The following SUGCT variants were observed in gnomAD, a reference collection of about 807,000 sequenced individuals.
The protein encoded by SUGCT is succinyl-CoA:glutarate CoA-transferase.
A neutral mutation model predicts 55.0 loss-of-function variants in SUGCT; 41 were observed. The ratio of observed to expected loss-of-function variants is 0.74; its 90% CI spans 0.58 to 0.97. SUGCT has a LOEUF of 0.97. Ranked by LOEUF, SUGCT falls within the 50% of genes least tolerant of loss-of-function variation. SUGCT has a pLI of 0.00. For synonymous variants in SUGCT, 187 were observed against 200.4 expected (o/e 0.93, Z 0.56); for missense variants, 568 against 547.8 (o/e 1.04, Z -0.37).
chr7:40,735,138 G>A (rs1377128222), intron 12 of SUGCT, among the ~76,000 whole-genome samples: 5 of 152,132 alleles, frequency 3.3e-5, no homozygotes, highest in Admixed American at 6.5e-5. Flanking sequence ...CTGTGCTGGA[G>A]GGGAAAGAAT....
At chr7:41,012,194 T>TAATTA in the SUGCT span, among the ~76,000 whole-genome samples, 3 of 152,126 alleles carry the variant, frequency 2.0e-5, no homozygotes, top group African/African-American at 7.2e-5. Context: ...TCCGGTGAAC[T>TAATTA]CTCCCTCCCC....
At chr7:40,661,572 C>T (rs1347665812) in intron 12 of SUGCT, among the ~76,000 whole-genome samples, 1 of 152,106 alleles carries the variant, frequency 6.6e-6, no homozygotes, top group African/African-American at 2.4e-5. Context: ...CACAAATTCA[C>T]CCTAAATTTT....
At chr7:40,865,485 C>T (rs1794562752), downstream of SUGCT, among the ~76,000 whole-genome samples, 1 of 152,176 alleles carries the variant, frequency 6.6e-6, no homozygotes, top group Non-Finnish European at 1.5e-5. Flanking sequence ...CTCAGGCTCT[C>T]TGGCTGTATG....
intron 12 of SUGCT, among the ~76,000 whole-genome samples, chr7:40,624,809 ACACG>A (rs374087156): frequency 0.024 from 2,529 of 107,606 alleles, 42 homozygotes; most frequent in African/African-American, 0.048. Context: ...ACACACACAC[ACACG>A]CACACCACAA....
At chr7:40,352,357 G>A (rs1231269461) in intron 9 of SUGCT, among the ~76,000 whole-genome samples, 3 of 151,996 alleles carry the variant, frequency 2.0e-5, no homozygotes, top group African/African-American at 4.8e-5. Flanking sequence ...TGGTACATGT[G>A]CAGGTTTGTT....
chr7:40,887,715 A>G, the SUGCT span, among the ~76,000 whole-genome samples: 1 of 152,154 alleles, frequency 6.6e-6, no homozygotes, highest in African/African-American at 2.4e-5. Context: ...TGGACTAGAG[A>G]GACAAAGGTG....
intron 12 of SUGCT, among the ~76,000 whole-genome samples, chr7:40,705,059 TTA>T (rs1459901569): frequency 6.6e-6 from 1 of 152,236 alleles, no homozygotes; most frequent in Non-Finnish European, 1.5e-5. Context: ...TTTTCAATTT[TTA>T]TAGTCGTTTA....
At chr7:40,842,351 A>G (rs138297637) in intron 13 of SUGCT, among the ~76,000 whole-genome samples, 549 of 152,320 alleles carry the variant, frequency 3.6e-3, no homozygotes, top group African/African-American at 0.013. Flanking sequence ...TCTTCCAAGA[A>G]GAAATAATAA....
At chr7:40,183,274 A>AAAACAAAC (rs888770110) in intron 3 of SUGCT, among the ~76,000 whole-genome samples, 2 of 152,194 alleles carry the variant, frequency 1.3e-5, no homozygotes, top group African/African-American at 4.8e-5. Context: ...CCCTGTCTCA[A>AAAACAAAC]AAACAAACAA....
At chr7:40,869,541 G>C in the SUGCT span, among the ~76,000 whole-genome samples, 1 of 152,194 alleles carries the variant, frequency 6.6e-6, no homozygotes, top group Non-Finnish European at 1.5e-5. Flanking sequence ...GTGATACCCT[G>C]AGTAGAGATA....
At chr7:40,140,589 C>T (rs1166251105) in intron 1 of SUGCT, among the ~76,000 whole-genome samples, 28 of 152,000 alleles carry the variant, frequency 1.8e-4, no homozygotes, top group Non-Finnish European at 1.2e-4. Flanking sequence ...TTAGTAGAGA[C>T]GGAGTTTCAC....
intron 6 of SUGCT, among the ~76,000 whole-genome samples, chr7:40,196,455 G>A (rs937903175): frequency 5.9e-5 from 9 of 152,132 alleles, no homozygotes; most frequent in Non-Finnish European, 1.0e-4. Flanking sequence ...GCTAGGTTAG[G>A]GTGATAGATA....
chr7:40,839,790 G>T (rs1327574238), intron 13 of SUGCT, among the ~76,000 whole-genome samples: 1 of 64,924 alleles, frequency 1.5e-5, no homozygotes, highest in African/African-American at 7.8e-5. Flanking sequence ...CCACAATTTT[G>T]TTTCCAATGA....
intron 7 of SUGCT, among the ~76,000 whole-genome samples, chr7:40,250,668 T>C (rs1481720376): frequency 6.6e-6 from 1 of 151,996 alleles, no homozygotes; most frequent in Non-Finnish European, 1.5e-5. Context: ...TACAATTTAA[T>C]TGAATTTAAC....
In SUGCT at chr7:40,585,903, A is replaced by G. The variant is rs143225026; in HGVS notation, c.1089+89517A>G. ...GTCACGTTGCCCAGGCTGGTCTTGAACTCCTGGGCTCAAGCAATCCATCTG... is the reference window on the plus strand; with the variant it reads ...GTCACGTTGCCCAGGCTGGTCTTGAGCTCCTGGGCTCAAGCAATCCATCTG... On this transcript the variant is annotated intron_variant, in intron 12 of 13. Coordinates refer to ENST00000335693, the MANE Select transcript of SUGCT (RefSeq NM_001193313.2). 6.1e-3 allele frequency among the ~76,000 whole-genome samples: 915 copies of G among 149,826 alleles called. 12 individuals carry two copies. The highest frequency in any genetic ancestry group is 0.021 in the African/African-American group (860 of 40,670).
intron 12 of SUGCT, among the ~76,000 whole-genome samples, chr7:40,718,205 T>C (rs1786128652): frequency 6.6e-6 from 1 of 152,204 alleles, no homozygotes; most frequent in Non-Finnish European, 1.5e-5. Flanking sequence ...TAATAACAAA[T>C]CAGTTTTCTA....
chr7:41,035,144 C>A, the SUGCT span, among the ~76,000 whole-genome samples: 1 of 152,228 alleles, frequency 6.6e-6, no homozygotes, highest in Non-Finnish European at 1.5e-5. Context: ...GGCCAAGGCC[C>A]ATGGCATTGC....
chr7:40,957,164 G>C, the SUGCT span, among the ~76,000 whole-genome samples: 1 of 152,166 alleles, frequency 6.6e-6, no homozygotes, highest in African/African-American at 2.4e-5. Flanking sequence ...TTCAAGTCCT[G>C]AATATCCTTG....
chr7:40,898,488 G>GCC, the SUGCT span, among the ~76,000 whole-genome samples: 2 of 85,242 alleles, frequency 2.3e-5, no homozygotes, highest in African/African-American at 1.4e-4. Flanking sequence ...GTCGGGGGGG[G>GCC]GGGGGGGGGT....
Sources: gnomAD v4.1 joint callset for allele counts (sites outside exome capture counted in the v4.1 genomes callset) on GRCh38, gnomAD v4.1.1 for gene constraint, MANE v1.5 for transcripts, NCBI Gene and HGNC (gene_info 2026-07-23, HGNC 2026-07-21) for gene names.